ARHGAP44: variants seen among roughly 807,000 people sequenced by gnomAD.
ARHGAP44 encodes the protein rho GTPase-activating protein 44.
A neutral mutation model predicts 106.8 loss-of-function variants in ARHGAP44; 43 were observed. The ratio of observed to expected loss-of-function variants is 0.40; its 90% confidence interval spans 0.32 to 0.52. ARHGAP44 has a LOEUF of 0.52. Ranked by LOEUF, ARHGAP44 falls within the 20% of genes least tolerant of loss-of-function variation. The pLI is 0.48. For synonymous variants in ARHGAP44, 439 were observed against 410.3 expected (o/e 1.07, Z -0.85); for missense variants, 866 against 1,050.5 (o/e 0.82, Z 2.43).
At chr17:12,803,262 G>A (rs2034176150) in intron 1 of ARHGAP44, among the ~76,000 whole-genome samples, 1 of 151,414 alleles carries the variant, frequency 6.6e-6, no homozygotes, top group Non-Finnish European at 1.5e-5. Flanking sequence ...GTGAGCTACC[G>A]CGCCCAGCCA....
intron 1 of ARHGAP44, among the ~76,000 whole-genome samples, chr17:12,824,780 T>A (rs2034871296): frequency 6.6e-6 from 1 of 151,846 alleles, no homozygotes; most frequent in Non-Finnish European, 1.5e-5. Context: ...CCTCCCCTCG[T>A]ACGTCCTTCC....
intron 3 of ARHGAP44, among the ~76,000 whole-genome samples, chr17:12,902,429 A>C (rs1475077910): frequency 6.6e-6 from 1 of 151,974 alleles, no homozygotes; most frequent in East Asian, 1.9e-4. Flanking sequence ...CCATCTCCCT[A>C]TTTTATTTTC....
At chr17:12,829,993 T>G (rs1425233487) in intron 1 of ARHGAP44, among the ~76,000 whole-genome samples, 2 of 152,212 alleles carry the variant, frequency 1.3e-5, no homozygotes, top group African/African-American at 4.8e-5. Context: ...CAGTAAATAT[T>G]AGAATAAATG....
At chr17:12,868,740 C>T (rs1192046444) in intron 1 of ARHGAP44, among the ~76,000 whole-genome samples, 2 of 150,854 alleles carry the variant, frequency 1.3e-5, no homozygotes, top group Admixed American at 6.6e-5. Context: ...TCACTGCAAC[C>T]TCCACCTCCC....
intron 1 of ARHGAP44, among the ~76,000 whole-genome samples, chr17:12,814,461 G>A (rs1019980038): frequency 1.1e-4 from 17 of 151,706 alleles, no homozygotes; most frequent in African/African-American, 3.9e-4. Flanking sequence ...GGCTGGTCTC[G>A]AACTCCTGAC....
At chr17:12,847,188 G>A (rs898423583) in intron 1 of ARHGAP44, among the ~76,000 whole-genome samples, 2 of 152,166 alleles carry the variant, frequency 1.3e-5, no homozygotes, top group African/African-American at 4.8e-5. Flanking sequence ...TGTGTTTTGC[G>A]TTGCTGATTG....
chr17:12,874,898 AAC>A (rs1218656027), intron 1 of ARHGAP44, among the ~76,000 whole-genome samples: 1 of 151,312 alleles, frequency 6.6e-6, no homozygotes, highest in African/African-American at 2.4e-5. Flanking sequence ...ATATGCCTGG[AAC>A]ACAGAGTATA....
At chr17:12,884,893 T>TTTTGTTTG (rs200942628) in intron 1 of ARHGAP44, among the ~76,000 whole-genome samples, 2,444 of 152,148 alleles carry the variant, frequency 0.016, 73 homozygotes, top group African/African-American at 0.056. Context: ...GCTAAGCATT[T>TTTTGTTTG]TTTGTTTGTT....
chr17:12,900,456 T>C (rs1274416030), intron 3 of ARHGAP44, among the ~76,000 whole-genome samples: 2 of 152,208 alleles, frequency 1.3e-5, no homozygotes, highest in Non-Finnish European at 2.9e-5. Flanking sequence ...TCCTGGATAA[T>C]AACTGGTTAG....
At chr17:12,948,819 T>G (rs1166041569) in intron 10 of ARHGAP44, among the ~76,000 whole-genome samples, 1 of 150,546 alleles carries the variant, frequency 6.6e-6, no homozygotes, top group African/African-American at 2.5e-5. Context: ...TTCTCCAAGA[T>G]TTATCTTACA....
intron 3 of ARHGAP44, among the ~76,000 whole-genome samples, chr17:12,905,320 C>G (rs939321521): frequency 1.3e-5 from 2 of 152,168 alleles, no homozygotes; most frequent in Non-Finnish European, 2.9e-5. Flanking sequence ...TCTCTGCTAC[C>G]TAAGAGGATG....
At chr17:12,842,345 A>G (rs970295899) in intron 1 of ARHGAP44, among the ~76,000 whole-genome samples, 1 of 142,914 alleles carries the variant, frequency 7.0e-6, no homozygotes, top group Non-Finnish European at 1.5e-5. Context: ...TGAGACCAGG[A>G]GGTCGAGGCT....
chr17:12,807,039 G>A (rs2034295582), intron 1 of ARHGAP44, among the ~76,000 whole-genome samples: 1 of 152,156 alleles, frequency 6.6e-6, no homozygotes, highest in Non-Finnish European at 1.5e-5. Context: ...GATTGGTTGA[G>A]CTTAAGTTTC....
intron 1 of ARHGAP44, among the ~76,000 whole-genome samples, chr17:12,806,864 G>A (rs1198269798): frequency 6.6e-6 from 1 of 151,958 alleles, no homozygotes; most frequent in African/African-American, 2.4e-5. Context: ...ACCACCAGTG[G>A]TTCAGGGCTC....
At chr17:12,989,383 T>G (rs1443071948) in intron 20 of ARHGAP44, among the ~76,000 whole-genome samples, 1 of 152,142 alleles carries the variant, frequency 6.6e-6, no homozygotes, top group Non-Finnish European at 1.5e-5. Flanking sequence ...CACTGAGCTG[T>G]TATTTCAAGT....
At chr17:12,829,786 C>G (rs1383048865) in intron 1 of ARHGAP44, among the ~76,000 whole-genome samples, 1 of 152,160 alleles carries the variant, frequency 6.6e-6, no homozygotes, top group Non-Finnish European at 1.5e-5. Context: ...CTTGACCACT[C>G]TATTTAAAAT....
intron 17 of ARHGAP44, 70 bp from the exon 18 acceptor site, chr17:12,974,019 G>A (rs2039599739): frequency 6.8e-7 from 1 of 1,470,058 alleles, no homozygotes; most frequent in African/African-American, 1.4e-5. Flanking sequence ...CTGCTTGAAT[G>A]TGGGGGAGGG....
chr17:12,882,696 T>G (rs917602205), intron 1 of ARHGAP44, among the ~76,000 whole-genome samples: 1 of 152,142 alleles, frequency 6.6e-6, no homozygotes, highest in Non-Finnish European at 1.5e-5. Flanking sequence ...TGAGATAGTC[T>G]TATTTTGCCC....
chr17:12,976,612 C>CA (rs59099893), intron 18 of ARHGAP44, among the ~76,000 whole-genome samples: 23,382 of 84,850 alleles, frequency 0.28, 3,629 homozygotes, highest in East Asian at 0.62. Context: ...GACTCTGTGT[C>CA]AAAAAAAAAA....
Sources: allele counts gnomAD v4.1 joint callset (sites outside exome capture counted in the v4.1 genomes callset), GRCh38; gene constraint gnomAD v4.1.1; transcripts MANE v1.5; gene names NCBI Gene and HGNC (gene_info 2026-07-23, HGNC 2026-07-21).